PHTF2: variants seen among roughly 807,000 people sequenced by gnomAD.
PHTF2 encodes the protein putative homeodomain transcription factor 2.
A neutral mutation model predicts 101.2 loss-of-function variants in PHTF2; 60 were observed. The observed-to-expected ratio is 0.59, with a 90% confidence interval of 0.48 to 0.73. The LOEUF is 0.73. PHTF2 is among the 30% of genes least tolerant of loss of function. The probability of loss-of-function intolerance (pLI) is 0.00; values close to 1 mark genes in which losing one functional copy is unlikely to be tolerated. For synonymous variants in PHTF2, 311 were observed against 307.3 expected, an observed-to-expected ratio of 1.01 and a Z score of -0.13; for missense variants, 747 against 908.7, an observed-to-expected ratio of 0.82 and a Z score of 2.29.
At chr7:77,931,943 T>C (rs1313599736) in intron 12 of PHTF2, among the ~76,000 whole-genome samples, 1 of 151,908 alleles carries the variant, frequency 6.6e-6, no homozygotes, top group Non-Finnish European at 1.5e-5. Flanking sequence ...CTACTGAAAA[T>C]ACAAAAATTA....
intron 2 of PHTF2, among the ~76,000 whole-genome samples, chr7:77,843,350 C>G (rs1225712612): frequency 6.6e-6 from 1 of 152,272 alleles, no homozygotes; most frequent in South Asian, 2.1e-4. Flanking sequence ...TAACACTTCT[C>G]TTATTGCAGT....
At chr7:77,801,328 G>A (rs1035518994) in intron 1 of PHTF2, among the ~76,000 whole-genome samples, 6 of 152,212 alleles carry the variant, frequency 3.9e-5, no homozygotes, top group African/African-American at 1.4e-4. Context: ...GCTCACGCCC[G>A]TAATCCCAGC....
intron 1 of PHTF2, among the ~76,000 whole-genome samples, chr7:77,837,901 T>C (rs1404017414): frequency 1.3e-5 from 2 of 152,210 alleles, no homozygotes; most frequent in East Asian, 3.8e-4. Context: ...GTTTTGTGTA[T>C]GAAATGTATA....
At chr7:77,887,093 A>C (rs1027346500) in intron 3 of PHTF2, among the ~76,000 whole-genome samples, 1 of 151,916 alleles carries the variant, frequency 6.6e-6, no homozygotes, top group Non-Finnish European at 1.5e-5. Context: ...ATAAGGCAGA[A>C]AGGAAAAGTG....
intron 1 of PHTF2, among the ~76,000 whole-genome samples, chr7:77,839,081 C>G (rs1795681281): frequency 6.6e-6 from 1 of 152,158 alleles, no homozygotes; most frequent in Non-Finnish European, 1.5e-5. Flanking sequence ...ACTTTGTTTA[C>G]TGAGGCAAAC....
intron 1 of PHTF2, among the ~76,000 whole-genome samples, chr7:77,832,380 C>G (rs1795138084): frequency 6.6e-6 from 1 of 152,168 alleles, no homozygotes; most frequent in Admixed American, 6.6e-5. Context: ...CCACAGAAGA[C>G]CCCCGAACTG....
At chr7:77,873,428 G>A (rs1245833287) in intron 3 of PHTF2, among the ~76,000 whole-genome samples, 1 of 152,078 alleles carries the variant, frequency 6.6e-6, no homozygotes, top group Non-Finnish European at 1.5e-5. Flanking sequence ...TGAGTTTAGT[G>A]CACCTCCTCA....
chr7:77,927,175 A>T (rs1238526923), intron 11 of PHTF2, among the ~76,000 whole-genome samples: 31 of 91,894 alleles, frequency 3.4e-4, no homozygotes, highest in African/African-American at 7.9e-4. Flanking sequence ...AAAAAAAAAA[A>T]AAATATATAT....
intron 10 of PHTF2, among the ~76,000 whole-genome samples, chr7:77,922,039 T>C (rs1803525225): frequency 7.1e-6 from 1 of 141,214 alleles, no homozygotes; most frequent in East Asian, 2.1e-4. Flanking sequence ...TTTTTTTTTT[T>C]TGAGACATGG....
chr7:77,881,634 G>C (rs1310974609), intron 3 of PHTF2, among the ~76,000 whole-genome samples: 2 of 151,954 alleles, frequency 1.3e-5, no homozygotes, highest in Admixed American at 1.3e-4. Context: ...GCCTCCCAAA[G>C]TGCTGGGATT....
At chr7:77,864,037 C>T (rs1040488585) in intron 3 of PHTF2, among the ~76,000 whole-genome samples, 1 of 152,140 alleles carries the variant, frequency 6.6e-6, no homozygotes. Flanking sequence ...GCCTCTGCCT[C>T]CTAGAGTGTT....
At position 77,941,593 on chromosome 7, in the gene PHTF2, G is replaced by A. The variant is rs370712738; in HGVS notation, c.1872+934G>A. ...CTTATACTTCAGTGAGGGAATGTAAGCCCAGACCTAGGAATTATCCTAGTT... is the reference window on the plus strand; with the variant it reads ...CTTATACTTCAGTGAGGGAATGTAAACCCAGACCTAGGAATTATCCTAGTT... On this transcript the variant is annotated intron_variant, in intron 15 of 19. Transcript: ENST00000416283. 3.9e-5 allele frequency among the ~76,000 whole-genome samples: 6 copies of A among 152,280 alleles called. No individual in the cohort carries two copies. In the East Asian group the frequency reaches 7.7e-4, roughly 20 times the overall value.
chr7:77,834,432 TC>T, intron 1 of PHTF2, among the ~76,000 whole-genome samples: 1 of 152,138 alleles, frequency 6.6e-6, no homozygotes, highest in Non-Finnish European at 1.5e-5. Context: ...GTTCTTTGTA[TC>T]ACAAATTCCA....
At chr7:77,861,972 G>T (rs1340614802) in intron 3 of PHTF2, among the ~76,000 whole-genome samples, 1 of 151,490 alleles carries the variant, frequency 6.6e-6, no homozygotes, top group Non-Finnish European at 1.5e-5. Flanking sequence ...CAGGAGAATC[G>T]CTTGAACCTG....
chr7:77,816,194 T>C, intron 1 of PHTF2, among the ~76,000 whole-genome samples: 1 of 152,064 alleles, frequency 6.6e-6, no homozygotes. Context: ...CGTGCCTCAG[T>C]CTCTCAAGTA....
At position 77,923,995 on chromosome 7, in the gene PHTF2, T is replaced by C. The variant is rs918248000; in HGVS notation, c.1119+1217T>C. On this transcript the variant is annotated intron_variant, in intron 11 of 19. Transcript: ENST00000416283. ...TTGATTTACATCTTTTTTAATGATATAAGAAATTACATAAATATAAAATAT... is the reference window on the plus strand; with the variant it reads ...TTGATTTACATCTTTTTTAATGATACAAGAAATTACATAAATATAAAATAT... 1.1e-5 allele frequency: 10 copies of C among 899,500 alleles called. No individual in the cohort carries two copies. In the African/African-American group the frequency reaches 1.4e-4, roughly 13 times the overall value. The allele number at this position is 899,500 out of a possible 1,614,324, so 55.7% of individuals were successfully genotyped here.
At chr7:77,934,016 A>T (rs1311133512) in intron 12 of PHTF2, among the ~76,000 whole-genome samples, 1 of 152,186 alleles carries the variant, frequency 6.6e-6, no homozygotes, top group Non-Finnish European at 1.5e-5. Flanking sequence ...TTGATCTTAA[A>T]CAGATTTTTA....
chr7:77,900,727 C>A, exon 6 of PHTF2: 1 of 1,563,546 alleles, frequency 6.4e-7, no homozygotes, highest in Non-Finnish European at 8.8e-7. Context: ...AGGAATAAAC[C>A]AAAGAAAACA....
At chr7:77,864,774 A>G (rs1217179372) in intron 3 of PHTF2, among the ~76,000 whole-genome samples, 2 of 151,580 alleles carry the variant, frequency 1.3e-5, no homozygotes, top group South Asian at 2.1e-4. Context: ...TGGCAGTGGT[A>G]TAGCGCTTTT....
Sources: allele counts gnomAD v4.1 joint callset (sites outside exome capture counted in the v4.1 genomes callset), GRCh38; gene constraint gnomAD v4.1.1; transcripts MANE v1.5; gene names NCBI Gene and HGNC (gene_info 2026-07-23, HGNC 2026-07-21).